The following C8orf34 variants were observed in gnomAD, a reference collection of about 807,000 sequenced individuals.
C8orf34 encodes the protein uncharacterized protein C8orf34.
C8orf34 carries 65 observed loss-of-function variants against 68.3 expected under a neutral mutation model. The ratio of observed to expected loss-of-function variants is 0.95; its 90% CI spans 0.78 to 1.17. The LOEUF (loss-of-function observed/expected upper bound fraction) is 1.17, where lower values mean the gene tolerates loss of function less well. C8orf34 is among the 50% of genes most tolerant of loss of function. C8orf34 has a pLI of 0.00. For synonymous variants in C8orf34, 244 were observed against 241.2 expected, an observed-to-expected ratio of 1.01 and a Z score of -0.11; for missense variants, 664 against 655.4, an observed-to-expected ratio of 1.01 and a Z score of -0.14.
intron 7 of C8orf34, among the ~76,000 whole-genome samples, chr8:68,596,419 G>A (rs2130466526): frequency 6.6e-6 from 1 of 152,182 alleles, no homozygotes; most frequent in Admixed American, 6.5e-5. Context: ...ATGCATATAT[G>A]GGTGTCAAGA....
chr8:68,444,234 T>A (rs1472681802), intron 2 of C8orf34, among the ~76,000 whole-genome samples: 3 of 152,132 alleles, frequency 2.0e-5, no homozygotes, highest in Non-Finnish European at 4.4e-5. Flanking sequence ...GCTACTTCTT[T>A]ATCTCATCTT....
chr8:68,372,705 A>G (rs1195250515), intron 1 of C8orf34, among the ~76,000 whole-genome samples: 1 of 152,058 alleles, frequency 6.6e-6, no homozygotes, highest in Admixed American at 6.6e-5. Context: ...GCACCCATCA[A>G]CCCGTCATCT....
rs531500821 is a variant in C8orf34, at chr8:68,661,107, G to A, written c.1241+20596G>A. ...GAATTGCTAGCCAGCTGGCCACGCC[G>A]GGGCCTTGATCCCTGAGACTGCCCT... On this transcript the variant is annotated intron_variant, in intron 8 of 13. Coordinates refer to ENST00000518698, the MANE Select transcript of C8orf34 (RefSeq NM_052958.4). 7.7e-4 allele frequency among the ~76,000 whole-genome samples: 117 copies of A among 152,286 alleles called. 1 individual carries two copies. Among genetic ancestry groups the A allele is most frequent in the Non-Finnish European group, 1.3e-3 (86 of 68,020 alleles).
intron 7 of C8orf34, among the ~76,000 whole-genome samples, chr8:68,556,826 T>C (rs563396943): frequency 2.3e-3 from 351 of 152,332 alleles, no homozygotes; most frequent in South Asian, 6.2e-3. Flanking sequence ...TTAATGGTGA[T>C]TGAATTTCCC....
intron 1 of C8orf34, among the ~76,000 whole-genome samples, chr8:68,413,869 C>G (rs1809549418): frequency 1.3e-5 from 2 of 152,184 alleles, no homozygotes; most frequent in Non-Finnish European, 2.9e-5. Flanking sequence ...TCCTTCACAC[C>G]ATTCATTGGC....
intron 1 of C8orf34, among the ~76,000 whole-genome samples, chr8:68,420,412 A>AT (rs1344421213): frequency 6.6e-6 from 1 of 152,148 alleles, no homozygotes; most frequent in Non-Finnish European, 1.5e-5. Context: ...ATGATTGTAG[A>AT]TTTTGTGGAT....
chr8:68,346,596 A>G (rs10091872), intron 1 of C8orf34, among the ~76,000 whole-genome samples: 4,917 of 151,290 alleles, frequency 0.033, 135 homozygotes, highest in Non-Finnish European at 0.05. Context: ...GTTTTTGCCT[A>G]TCTGTCTCTC....
rs569687551 is a variant in C8orf34 at position 68,501,214 on chromosome 8, A to G, written c.765+13163A>G. ...ATCTATTCTAACAATGAACCCAAGGATGAGGAAGTTTCAAGTGGATATGAC... is the reference window on the plus strand; with the variant it reads ...ATCTATTCTAACAATGAACCCAAGGGTGAGGAAGTTTCAAGTGGATATGAC... On this transcript the variant is annotated intron_variant, in intron 5 of 13. Transcript: ENST00000518698. 2.5e-4 allele frequency among the ~76,000 whole-genome samples: 38 copies of G among 152,286 alleles called. No individual in the cohort carries two copies. In the South Asian group the frequency reaches 7.7e-3, roughly 31 times the overall value.
intron 7 of C8orf34, among the ~76,000 whole-genome samples, chr8:68,612,651 C>A (rs1818057478): frequency 6.6e-6 from 1 of 152,032 alleles, no homozygotes; most frequent in South Asian, 2.1e-4. Flanking sequence ...ATGCCAAGAC[C>A]TATAATATGG....
rs187191192 is a variant in C8orf34, at chr8:68,468,147, A to C, written c.608-545A>C. On this transcript the variant is annotated intron_variant, in intron 3 of 13. Coordinates refer to ENST00000518698, the MANE Select transcript of C8orf34 (RefSeq NM_052958.4). ...AAATCCAGTTACCACTCATCCATCC[A>C]TTTTGCATCTTCTCTCAAAATATAT... Among the ~76,000 whole-genome samples, 652 of 152,062 alleles carry C rather than the reference A, an allele frequency of 4.3e-3. 5 individuals carry two copies. The highest frequency in any genetic ancestry group is 0.015 in the African/African-American group (630 of 41,512).
chr8:68,776,329 T>A (rs1229821141), intron 10 of C8orf34, 70 bp from the exon 11 acceptor site: 13 of 1,191,558 alleles, frequency 1.1e-5, no homozygotes, highest in African/African-American at 1.5e-5. Context: ...GATCCCACTC[T>A]CCACGATTCT....
chr8:68,704,201 G>A (rs1563619794), intron 8 of C8orf34, among the ~76,000 whole-genome samples: 1 of 152,108 alleles, frequency 6.6e-6, no homozygotes, highest in Non-Finnish European at 1.5e-5. Context: ...AGTCACAGTT[G>A]AAGTAAGAGC....
At chr8:68,513,541 G>A (rs4474010) in intron 5 of C8orf34, among the ~76,000 whole-genome samples, 27,007 of 152,120 alleles carry the variant, frequency 0.18, 5,051 homozygotes, top group African/African-American at 0.47. Context: ...TACTTGTGGG[G>A]CCTGGCCTAG....
chr8:68,615,730 A>C (rs2130596338), intron 7 of C8orf34, among the ~76,000 whole-genome samples: 1 of 152,268 alleles, frequency 6.6e-6, no homozygotes, highest in East Asian at 1.9e-4. Context: ...ATATTCATCA[A>C]GGATATTGGT....
intron 3 of C8orf34, among the ~76,000 whole-genome samples, chr8:68,464,018 G>A (rs1373931635): frequency 6.6e-6 from 1 of 152,120 alleles, no homozygotes; most frequent in Non-Finnish European, 1.5e-5. Flanking sequence ...ATTTGCAGAT[G>A]ACATGATTGT....
intron 5 of C8orf34, among the ~76,000 whole-genome samples, chr8:68,500,979 C>T (rs1586269187): frequency 6.6e-6 from 1 of 152,184 alleles, no homozygotes; most frequent in East Asian, 1.9e-4. Context: ...ATTAGATGTC[C>T]CATCTGTCCA....
In C8orf34 at chr8:68,468,740, A is replaced by G. The variant is rs1316619949; in HGVS notation, c.656A>G (p.Gln219Arg). Residue 219 changes from glutamine to arginine, a missense_variant, in exon 4 of 14, where the codon CAA (glutamine) becomes CGA (arginine). Coordinates refer to ENST00000518698, the MANE Select transcript of C8orf34 (RefSeq NM_052958.4). Reference sequence around the variant, plus strand: ...AAGTGGAACTGGAGGACTAAACCACAAAGCCGTGATTTTGATGAATTGAAT... The same window carrying G: ...AAGTGGAACTGGAGGACTAAACCACGAAGCCGTGATTTTGATGAATTGAAT... ...HPKWNWRTKP[Q>R]SRDFDELNHI... 21 of 1,612,920 alleles carry G rather than the reference A, an allele frequency of 1.3e-5. No homozygotes were observed. The highest frequency in any genetic ancestry group is 1.7e-5 in the Non-Finnish European group (20 of 1,179,250).
chr8:68,658,747 C>G (rs1819583137), intron 8 of C8orf34, among the ~76,000 whole-genome samples: 1 of 152,018 alleles, frequency 6.6e-6, no homozygotes, highest in Non-Finnish European at 1.5e-5. Flanking sequence ...TTTCAAGTAA[C>G]CAAATTATCC....
At chr8:68,621,194 C>G (rs1818379163) in intron 7 of C8orf34, among the ~76,000 whole-genome samples, 2 of 152,148 alleles carry the variant, frequency 1.3e-5, no homozygotes, top group African/African-American at 4.8e-5. Flanking sequence ...AAATGTTGAG[C>G]TGGGACAGTG....
Sources: allele counts gnomAD v4.1 joint callset (sites outside exome capture counted in the v4.1 genomes callset), GRCh38; gene constraint gnomAD v4.1.1; transcripts MANE v1.5; gene names NCBI Gene and HGNC (gene_info 2026-07-23, HGNC 2026-07-21).